PARD3: variants seen among roughly 807,000 people sequenced by gnomAD.
The protein encoded by PARD3 is par-3 family cell polarity regulator.
PARD3 carries 75 observed loss-of-function variants against 155.4 expected under a neutral mutation model. The ratio of observed to expected loss-of-function variants is 0.48; its 90% CI spans 0.40 to 0.58. The LOEUF (loss-of-function observed/expected upper bound fraction) is 0.58. Among genes scored for constraint, PARD3 ranks in the 20% least tolerant of loss-of-function variants. The probability of loss-of-function intolerance (pLI) is 0.00; values close to 1 mark genes in which losing one functional copy is unlikely to be tolerated. For synonymous variants in PARD3, 576 were observed against 610.5 expected (o/e 0.94, Z 0.83); for missense variants, 1,642 against 1,721.7 (o/e 0.95, Z 0.82).
At chr10:34,684,857 A>ATG (rs1224363923) in intron 2 of PARD3, among the ~76,000 whole-genome samples, 19 of 127,078 alleles carry the variant, frequency 1.5e-4, no homozygotes, top group African/African-American at 5.7e-4. Context: ...ATATATATAC[A>ATG]TGTATATATA....
chr10:34,237,508 G>C (rs1953309166), intron 22 of PARD3, among the ~76,000 whole-genome samples: 1 of 152,084 alleles, frequency 6.6e-6, no homozygotes. Context: ...GAGAAATGCT[G>C]CTGTTTAACA....
At chr10:34,286,416 A>T (rs1033216058) in intron 20 of PARD3, among the ~76,000 whole-genome samples, 11 of 152,242 alleles carry the variant, frequency 7.2e-5, no homozygotes, top group Admixed American at 6.5e-4. Flanking sequence ...AGCAAAGCAG[A>T]GTAAGGAGAC....
rs939430321 is a variant in PARD3, at chr10:34,384,673, G to T, written c.891-419C>A. ...AGACGACTGCAACTCCCATCTTTCT[G>T]TGAAAGTAAAGGTAATGAGGAAAAG... On this transcript the variant is annotated intron_variant, in intron 7 of 24. Transcript: ENST00000374788. Among the ~76,000 whole-genome samples the T allele has an allele frequency of 3.3e-5, 5 of 152,182 alleles. 1 individual carries two copies. The South Asian group carries it at 1.0e-3, about 32-fold the overall frequency.
At chr10:34,729,317 G>A (rs1338145606) in intron 1 of PARD3, among the ~76,000 whole-genome samples, 3 of 151,978 alleles carry the variant, frequency 2.0e-5, no homozygotes, top group Non-Finnish European at 4.4e-5. Context: ...GATCACTTGA[G>A]GTCAGGAGTT....
chr10:34,434,738 C>A (rs1355861179), intron 5 of PARD3, among the ~76,000 whole-genome samples: 1 of 152,048 alleles, frequency 6.6e-6, no homozygotes, highest in Non-Finnish European at 1.5e-5. Context: ...AATACAATTG[C>A]CAAGATTAGA....
At chr10:34,806,048 A>G (rs1246278305) in intron 1 of PARD3, among the ~76,000 whole-genome samples, 2 of 150,590 alleles carry the variant, frequency 1.3e-5, no homozygotes, top group Non-Finnish European at 2.9e-5. Context: ...TTTTTCTGTT[A>G]GAGACAGAGT....
intron 1 of PARD3, among the ~76,000 whole-genome samples, chr10:34,768,873 C>CA (rs1838474200): frequency 6.6e-6 from 1 of 152,190 alleles, no homozygotes; most frequent in Non-Finnish European, 1.5e-5. Context: ...GGCATGGTGA[C>CA]AGAGCTCTGA....
intron 16 of PARD3, among the ~76,000 whole-genome samples, chr10:34,340,428 T>C (rs1261069892): frequency 6.6e-6 from 1 of 152,204 alleles, no homozygotes; most frequent in East Asian, 1.9e-4. Context: ...TTACTTTATA[T>C]TGTAGTCTTC....
At chr10:34,182,087 C>T (rs1207690178) in intron 22 of PARD3, among the ~76,000 whole-genome samples, 2 of 152,188 alleles carry the variant, frequency 1.3e-5, no homozygotes, top group Non-Finnish European at 2.9e-5. Context: ...AAGCTTAACA[C>T]TACCGCACAG....
rs898996559 is a variant in PARD3 at position 34,593,107 on chromosome 10, G to A, written c.223-75948C>T. On this transcript the variant is annotated intron_variant, in intron 2 of 24. Coordinates refer to ENST00000374788, the MANE Select transcript of PARD3 (RefSeq NM_001184785.2). Reference sequence around the variant, plus strand: ...AAGTACGCCATCAATGTGGGTTTGAGGCAGAAATGTTACAGAGCAGAGCTA... The same window carrying A: ...AAGTACGCCATCAATGTGGGTTTGAAGCAGAAATGTTACAGAGCAGAGCTA... 9.9e-5 allele frequency among the ~76,000 whole-genome samples: 15 copies of A among 152,166 alleles called. 1 individual carries two copies. The highest frequency in any genetic ancestry group is 8.5e-4 in the Admixed American group (13 of 15,278).
rs554139196 is a variant in PARD3 at position 34,775,011 on chromosome 10, C to T, written c.120+39865G>A. 2.6e-5 allele frequency among the ~76,000 whole-genome samples: 4 copies of T among 152,198 alleles called. No homozygotes were observed. In the South Asian group the frequency reaches 8.3e-4, roughly 31 times the overall value. On this transcript the variant is annotated intron_variant, in intron 1 of 24. Transcript: ENST00000374788. ...TCTCAGTAATTGTGCTCTGAAGTCA[C>T]CGCTGTGAAAACAAGTGCCAAACAA...
rs149587321 is a variant in PARD3 at position 34,289,984 on chromosome 10, GTAAC to G, written c.3066-5743_3066-5740del. On this transcript the variant is annotated intron_variant, in intron 20 of 24. Coordinates refer to ENST00000374788, the MANE Select transcript of PARD3 (RefSeq NM_001184785.2). The stretch of plus-strand genomic sequence containing the variant: ...ATAATGAAATAAGTGTCATTGAAAA[GTAAC>G]TACTGGCAAGTTTCCTTGCTATTAA... Among the ~76,000 whole-genome samples, 1,416 of 152,288 alleles carry G rather than the reference GTAAC, an allele frequency of 9.3e-3. 28 individuals carry two copies. The highest frequency in any genetic ancestry group is 0.032 in the African/African-American group (1,335 of 41,556).
At chr10:34,725,482 T>A (rs1224871417) in intron 1 of PARD3, among the ~76,000 whole-genome samples, 1 of 152,088 alleles carries the variant, frequency 6.6e-6, no homozygotes, top group African/African-American at 2.4e-5. Context: ...GCTCTCCGAA[T>A]AGCTCAAGGC....
At chr10:34,628,212 A>C (rs1257411304) in intron 2 of PARD3, among the ~76,000 whole-genome samples, 1 of 152,212 alleles carries the variant, frequency 6.6e-6, no homozygotes, top group African/African-American at 2.4e-5. Context: ...ATTTTCATTT[A>C]GTAATAACGG....
chr10:34,337,239 C>T (rs935561191), intron 17 of PARD3, 36 bp downstream of exon 17: 3 of 1,368,070 alleles, frequency 2.2e-6, no homozygotes, highest in Admixed American at 4.8e-5. Context: ...GCATTTAAAA[C>T]TTATTTAGAT....
chr10:34,114,339 T>C (rs1342885231), intron 24 of PARD3, among the ~76,000 whole-genome samples: 1 of 152,176 alleles, frequency 6.6e-6, no homozygotes, highest in African/African-American at 2.4e-5. Flanking sequence ...TTGTTTTTAA[T>C]TTAATTTAAT....
chr10:34,443,088 C>A (rs1483485818), intron 5 of PARD3, among the ~76,000 whole-genome samples: 1 of 151,900 alleles, frequency 6.6e-6, no homozygotes, highest in Non-Finnish European at 1.5e-5. Context: ...CGTGTGGACA[C>A]AGGAACCACA....
At chr10:34,185,959 GTATCAC>G (rs1950475125) in intron 22 of PARD3, among the ~76,000 whole-genome samples, 1 of 151,870 alleles carries the variant, frequency 6.6e-6, no homozygotes, top group East Asian at 1.9e-4. Context: ...CAGGGGTTAC[GTATCAC>G]CTTCATCTTA....
chr10:34,773,215 C>T (rs1270659992), intron 1 of PARD3, among the ~76,000 whole-genome samples: 1 of 152,116 alleles, frequency 6.6e-6, no homozygotes, highest in Non-Finnish European at 1.5e-5. Context: ...ACTAATAACA[C>T]TTAGATATTA....
Sources: gnomAD v4.1 joint callset for allele counts (sites outside exome capture counted in the v4.1 genomes callset) on GRCh38, gnomAD v4.1.1 for gene constraint, MANE v1.5 for transcripts, NCBI Gene and HGNC (gene_info 2026-07-23, HGNC 2026-07-21) for gene names.